Variants in ASTN2 observed in about 807,000 individuals in gnomAD.
ASTN2 encodes astrotactin-2.
A neutral mutation model predicts 139.8 loss-of-function variants in ASTN2; 54 were observed. That is an observed-to-expected ratio of 0.39 (90% CI 0.31 to 0.48). ASTN2 has a LOEUF of 0.48. Ranked by LOEUF, ASTN2 falls within the 20% of genes least tolerant of loss-of-function variation. ASTN2 has a pLI of 0.95. For missense variants in ASTN2, 1,565 were observed against 1,725.1 expected, an observed-to-expected ratio of 0.91 and a Z score of 1.64; for synonymous variants, 756 against 719.5, an observed-to-expected ratio of 1.05 and a Z score of -0.81.
At chr9:117,056,126 T>C (rs10739483) in intron 5 of ASTN2, among the ~76,000 whole-genome samples, 70,807 of 151,992 alleles carry the variant, frequency 0.47, 17,163 homozygotes, top group East Asian at 0.72. Flanking sequence ...TGATTGCAGC[T>C]CTGGTTGACA....
At chr9:116,898,174 A>C (rs1340897389) in intron 10 of ASTN2, among the ~76,000 whole-genome samples, 1 of 152,130 alleles carries the variant, frequency 6.6e-6, no homozygotes, top group East Asian at 1.9e-4. Flanking sequence ...TGGGAGGCCA[A>C]GGTGGAAGGA....
chr9:116,910,365 C>T (rs532247610), intron 10 of ASTN2, among the ~76,000 whole-genome samples: 5 of 152,246 alleles, frequency 3.3e-5, no homozygotes, highest in Non-Finnish European at 7.4e-5. Context: ...CTGTCCCACG[C>T]GTGATAGGAT....
At chr9:116,460,326 G>C (rs1848448437) in intron 20 of ASTN2, among the ~76,000 whole-genome samples, 1 of 152,076 alleles carries the variant, frequency 6.6e-6, no homozygotes, top group African/African-American at 2.4e-5. Flanking sequence ...AATTACTTGT[G>C]ATGGTTGTGC....
At chr9:117,039,779 G>T in intron 6 of ASTN2, 40 bp downstream of exon 6, 1 of 1,595,734 alleles carries the variant, frequency 6.3e-7, no homozygotes, top group Non-Finnish European at 8.5e-7. Context: ...GGTGCAAGGT[G>T]CTGAGTGGGT....
chr9:116,995,040 G>C (rs1240033295), intron 7 of ASTN2, among the ~76,000 whole-genome samples: 3 of 149,190 alleles, frequency 2.0e-5, no homozygotes, highest in Admixed American at 7.0e-5. Context: ...GTCCAAACTT[G>C]TGCAGGACCC....
At chr9:117,380,469 G>A (rs561629153) in intron 1 of ASTN2, among the ~76,000 whole-genome samples, 71 of 152,034 alleles carry the variant, frequency 4.7e-4, no homozygotes, top group African/African-American at 1.6e-3. Flanking sequence ...GCTGGGGGTG[G>A]TGTTGTGCGC....
intron 10 of ASTN2, among the ~76,000 whole-genome samples, chr9:116,935,685 C>A (rs780646213): frequency 5.3e-5 from 8 of 152,206 alleles, no homozygotes; most frequent in Non-Finnish European, 7.3e-5. Context: ...ATAGAGGCAA[C>A]TTACGTCACC....
At chr9:116,675,366 C>A (rs1328559540) in intron 16 of ASTN2, among the ~76,000 whole-genome samples, 3 of 152,058 alleles carry the variant, frequency 2.0e-5, no homozygotes, top group Non-Finnish European at 4.4e-5. Context: ...TGGTCTGTAG[C>A]CCTATGGTGG....
intron 10 of ASTN2, among the ~76,000 whole-genome samples, chr9:116,876,212 A>T (rs1029092422): frequency 6.6e-6 from 1 of 152,190 alleles, no homozygotes; most frequent in African/African-American, 2.4e-5. Context: ...TGAGGGGTTC[A>T]AGGCTTCAGT....
chr9:117,142,505 A>G (rs1413412), intron 3 of ASTN2, among the ~76,000 whole-genome samples: 151,052 of 152,316 alleles, frequency 0.99, 74,914 homozygotes, highest in East Asian at 1. Flanking sequence ...TATATGTCTT[A>G]CTCCAAGATA....
chr9:117,182,978 C>T (rs1404384093), intron 3 of ASTN2, among the ~76,000 whole-genome samples: 1 of 152,184 alleles, frequency 6.6e-6, no homozygotes, highest in African/African-American at 2.4e-5. Context: ...TTAAAAAGAT[C>T]ACTTTCTCTG....
chr9:116,946,318 G>C (rs1835393744), intron 10 of ASTN2, among the ~76,000 whole-genome samples: 1 of 152,090 alleles, frequency 6.6e-6, no homozygotes, highest in Admixed American at 6.5e-5. Flanking sequence ...AATTCTTATG[G>C]AGCCTAGTGT....
intron 19 of ASTN2, among the ~76,000 whole-genome samples, chr9:116,553,992 G>C (rs1852476208): frequency 6.6e-6 from 1 of 152,198 alleles, no homozygotes; most frequent in South Asian, 2.1e-4. Context: ...ATGAATAAAT[G>C]AATAAATGAA....
At position 116,489,794 on chromosome 9, in the gene ASTN2, G is replaced by C. The variant is rs143059507; in HGVS notation, c.3356-2294C>G. Among the ~76,000 whole-genome samples the C allele has an allele frequency of 3.9e-3, 592 of 152,304 alleles. 4 individuals are homozygous for C. The highest frequency in any genetic ancestry group is 0.014 in the African/African-American group (569 of 41,552). The stretch of plus-strand genomic sequence containing the variant: ...TTAGTCCAATAGAGCAGGTCTTGAT[G>C]GGTACTGTTTCTTGGTTTCTATTTT... On this transcript the variant is annotated intron_variant, in intron 19 of 22. Coordinates refer to ENST00000313400, the MANE Select transcript of ASTN2 (RefSeq NM_001365068.1).
At chr9:117,253,740 C>A (rs1300166553) in intron 2 of ASTN2, among the ~76,000 whole-genome samples, 1 of 152,172 alleles carries the variant, frequency 6.6e-6, no homozygotes, top group Non-Finnish European at 1.5e-5. Flanking sequence ...GGTGTCAAAG[C>A]ATCCATGAAA....
chr9:116,789,986 C>T (rs1588294741), intron 13 of ASTN2, among the ~76,000 whole-genome samples: 1 of 136,900 alleles, frequency 7.3e-6, no homozygotes, highest in Admixed American at 8.2e-5. Context: ...AGTGCAGTGG[C>T]GTGGTCTTGG....
At chr9:116,624,817 G>A (rs939107238) in intron 17 of ASTN2, among the ~76,000 whole-genome samples, 3 of 151,838 alleles carry the variant, frequency 2.0e-5, no homozygotes, top group Admixed American at 6.6e-5. Context: ...TTGGTCATAT[G>A]GCTGCTCAAC....
intron 1 of ASTN2, among the ~76,000 whole-genome samples, chr9:117,389,777 C>T (rs1830495355): frequency 6.6e-6 from 1 of 151,866 alleles, no homozygotes; most frequent in Non-Finnish European, 1.5e-5. Flanking sequence ...AGTCCCTGTC[C>T]TTGAAAAGTT....
intron 5 of ASTN2, among the ~76,000 whole-genome samples, chr9:117,081,713 GTGA>G (rs1828433092): frequency 6.6e-6 from 1 of 152,216 alleles, no homozygotes; most frequent in African/African-American, 2.4e-5. Flanking sequence ...GAGTCAAAGT[GTGA>G]TGATCTCCTG....
Sources: gnomAD v4.1 joint callset for allele counts (sites outside exome capture counted in the v4.1 genomes callset) on GRCh38, gnomAD v4.1.1 for gene constraint, MANE v1.5 for transcripts, NCBI Gene and HGNC (gene_info 2026-07-23, HGNC 2026-07-21) for gene names.